SPTLC3: variants seen among roughly 807,000 people sequenced by gnomAD.
The protein encoded by SPTLC3 is serine palmitoyltransferase 3.
Under a neutral mutation model 59.3 loss-of-function variants are expected in SPTLC3, and 36 were observed. The observed-to-expected ratio is 0.61, with a 90% CI of 0.47 to 0.80. The LOEUF (loss-of-function observed/expected upper bound fraction) is 0.80. Ranked by LOEUF, SPTLC3 falls within the 30% of genes least tolerant of loss-of-function variation. SPTLC3 has a pLI of 0.00. For missense variants in SPTLC3, 625 were observed against 685.1 expected, an observed-to-expected ratio of 0.91 and a Z score of 0.98; for synonymous variants, 257 against 240.8, an observed-to-expected ratio of 1.07 and a Z score of -0.62.
At chr20:13,142,126 T>C (rs1221579466) in intron 9 of SPTLC3, among the ~76,000 whole-genome samples, 1 of 152,224 alleles carries the variant, frequency 6.6e-6, no homozygotes, top group Admixed American at 6.5e-5. Context: ...GGGTAGACTT[T>C]TATGAAAGCT....
chr20:13,093,382 G>A, intron 5 of SPTLC3, 102 bp from the exon 6 acceptor site: 8 of 1,053,428 alleles, frequency 7.6e-6, no homozygotes, highest in Non-Finnish European at 1.1e-5. Flanking sequence ...GTGAGTTTTA[G>A]AAATTGTGTT....
chr20:13,117,637 T>C lies in SPTLC3; in HGVS notation c.1064T>C (p.Phe355Ser), dbSNP rs1200623401. ...ACCGGCCGGGGTGTCACGGAGTTCT[T>C]TGGACTAGACCCTCATGAAGTTGAT... ...GPTGRGVTEF[F>S]GLDPHEVDVL... Residue 355 changes from phenylalanine (F) to serine (S), a missense_variant, in exon 8 of 12, where the codon TTT becomes TCT. Physicochemically the swap from Phe to Ser is radical, Grantham distance 155. Transcript: ENST00000399002. The C allele has an allele frequency of 6.8e-6, 11 of 1,614,064 alleles. No homozygotes were observed. The East Asian group carries it at 1.8e-4, about 26-fold the overall frequency.
At chr20:13,135,444 C>T (rs1055062554) in intron 9 of SPTLC3, among the ~76,000 whole-genome samples, 2 of 152,094 alleles carry the variant, frequency 1.3e-5, no homozygotes, top group Admixed American at 6.6e-5. Flanking sequence ...ATGAAATTGG[C>T]ACTTTTTTGA....
At chr20:13,156,604 C>T (rs577512616) in intron 10 of SPTLC3, among the ~76,000 whole-genome samples, 2 of 152,264 alleles carry the variant, frequency 1.3e-5, no homozygotes. Context: ...AAAATGATGT[C>T]CATACAGCAT....
intron 1 of SPTLC3, among the ~76,000 whole-genome samples, chr20:13,015,109 C>A (rs1985460267): frequency 6.6e-6 from 1 of 152,068 alleles, no homozygotes; most frequent in Non-Finnish European, 1.5e-5. Flanking sequence ...TATGAATTAG[C>A]CCTGATCTAA....
chr20:13,036,167 T>C (rs771820555), intron 1 of SPTLC3, among the ~76,000 whole-genome samples: 1 of 152,160 alleles, frequency 6.6e-6, no homozygotes, highest in Non-Finnish European at 1.5e-5. Context: ...AAAAAATACA[T>C]GCTAAAAGTG....
At chr20:13,059,712 G>A (rs962900134) in intron 2 of SPTLC3, among the ~76,000 whole-genome samples, 8 of 152,046 alleles carry the variant, frequency 5.3e-5, no homozygotes, top group South Asian at 4.1e-4. Flanking sequence ...TTCTGTCTCC[G>A]GTACTGCCTC....
chr20:13,103,734 G>A (rs1989715678), intron 6 of SPTLC3, among the ~76,000 whole-genome samples: 1 of 152,244 alleles, frequency 6.6e-6, no homozygotes, highest in South Asian at 2.1e-4. Flanking sequence ...GAAATGGGCA[G>A]TGAGTGAAGA....
chr20:13,010,724 T>C (rs961347905), intron 1 of SPTLC3, among the ~76,000 whole-genome samples: 1 of 152,224 alleles, frequency 6.6e-6, no homozygotes, highest in African/African-American at 2.4e-5. Flanking sequence ...GCCTCTGGAA[T>C]GCCTGTAACT....
chr20:13,054,207 G>T (rs1451772240), intron 2 of SPTLC3, among the ~76,000 whole-genome samples: 1 of 152,220 alleles, frequency 6.6e-6, no homozygotes, highest in Non-Finnish European at 1.5e-5. Flanking sequence ...TGTTGTGAAT[G>T]AGAGTGGGAG....
intron 11 of SPTLC3, among the ~76,000 whole-genome samples, chr20:13,162,254 G>C (rs774338157): frequency 6.6e-6 from 1 of 152,166 alleles, no homozygotes; most frequent in African/African-American, 2.4e-5. Flanking sequence ...GAGCATGGCC[G>C]GGAAGCAAGT....
At chr20:13,151,364 C>A (rs2038642594) in intron 9 of SPTLC3, among the ~76,000 whole-genome samples, 1 of 152,208 alleles carries the variant, frequency 6.6e-6, no homozygotes, top group Admixed American at 6.5e-5. Context: ...TCCTTGCTAA[C>A]ACCCAAGTGG....
At chr20:13,096,367 A>T (rs1305061491) in intron 6 of SPTLC3, among the ~76,000 whole-genome samples, 1 of 152,182 alleles carries the variant, frequency 6.6e-6, no homozygotes, top group Non-Finnish European at 1.5e-5. Flanking sequence ...CAAAATCTGG[A>T]AACAATCCGA....
chr20:13,091,097 CA>C lies in SPTLC3; in HGVS notation c.623del (p.His208ProfsTer12), dbSNP rs1989197400. 1 of 1,613,764 alleles carries C rather than the reference CA, an allele frequency of 6.2e-7. No homozygotes were observed. Among genetic ancestry groups the C allele is most frequent in the Non-Finnish European group, 8.5e-7 (1 of 1,179,858 alleles). On this transcript the variant is annotated frameshift_variant, in exon 5 of 12. Coordinates refer to ENST00000399002, the MANE Select transcript of SPTLC3 (RefSeq NM_018327.4). LOFTEE classifies it high-confidence loss of function. ...TTTATGTGCAGGCACCTTGGATAAG[CA>C]CAAGGAGTTGGAGGACCTTGTGGCT... Reference protein sequence around the residue: ...TRHEMGTLDKHKELEDLVAKF... With the variant: ...TRHEMGTLDKXKELEDLVAKF...
At chr20:13,121,423 G>A (rs905737036) in intron 8 of SPTLC3, among the ~76,000 whole-genome samples, 1 of 152,160 alleles carries the variant, frequency 6.6e-6, no homozygotes, top group African/African-American at 2.4e-5. Flanking sequence ...GTAAGCAGGG[G>A]TCAGGGAGTG....
At chr20:13,039,012 T>C (rs921126477) in intron 1 of SPTLC3, among the ~76,000 whole-genome samples, 1 of 152,108 alleles carries the variant, frequency 6.6e-6, no homozygotes, top group African/African-American at 2.4e-5. Context: ...TTTGCATAAT[T>C]TCAAGCTTTT....
Position 13,080,294 on chromosome 20 carries a change from G to C in SPTLC3, c.607+5797G>C, listed in dbSNP as rs558983564. On this transcript the variant is annotated intron_variant, in intron 4 of 11. Transcript: ENST00000399002. ...GGAGGCCTAGGCAGGCGGATCACGA[G>C]GTCAAGAGATCAAGACCATCCTGGC... Among the ~76,000 whole-genome samples the C allele has an allele frequency of 5.9e-5, 9 of 152,132 alleles. No individual in the cohort carries two copies. The South Asian group carries it at 1.7e-3, about 28-fold the overall frequency.
chr20:13,121,288 AGG>A, intron 8 of SPTLC3, among the ~76,000 whole-genome samples: 1 of 152,302 alleles, frequency 6.6e-6, no homozygotes, highest in Admixed American at 6.5e-5. Flanking sequence ...GAACTGGGAC[AGG>A]GCAGACAAAT....
chr20:13,141,837 A>T lies in SPTLC3; in HGVS notation c.1280-12166A>T, dbSNP rs545953386. Among the ~76,000 whole-genome samples, 42 of 152,226 alleles carry T rather than the reference A, an allele frequency of 2.8e-4. No individual in the cohort carries two copies. The South Asian group carries it at 8.7e-3, about 32-fold the overall frequency. Reference sequence around the variant, plus strand: ...GAGGGCCTGCCTCAGTCCATGATTAATCACCTGTGCTGGGGGGCAAAAAAG... The same window carrying T: ...GAGGGCCTGCCTCAGTCCATGATTATTCACCTGTGCTGGGGGGCAAAAAAG... On this transcript the variant is annotated intron_variant, in intron 9 of 11. Transcript: ENST00000399002.
Sources: allele counts gnomAD v4.1 joint callset (sites outside exome capture counted in the v4.1 genomes callset), GRCh38; gene constraint gnomAD v4.1.1; transcripts MANE v1.5; gene names NCBI Gene and HGNC (gene_info 2026-07-23, HGNC 2026-07-21).